Variants in PSMA4 observed in about 807,000 individuals in gnomAD.
PSMA4 encodes the protein proteasome subunit alpha type-4.
In PSMA4, 8 loss-of-function variants were observed where a neutral mutation model predicts 37.2. The observed-to-expected ratio is 0.22, with a 90% confidence interval of 0.13 to 0.39. The LOEUF (loss-of-function observed/expected upper bound fraction) is 0.39. Ranked by LOEUF, PSMA4 falls within the 10% of genes least tolerant of loss-of-function variation. The pLI is 1.00. For missense variants in PSMA4, 169 were observed against 305.1 expected (o/e 0.55, Z 3.32); for synonymous variants, 93 against 98.8 (o/e 0.94, Z 0.35).
intron 6 of PSMA4, 73 bp downstream of exon 6, chr15:78,545,030 T>TA: frequency 1.9e-6 from 2 of 1,052,832 alleles, no homozygotes; most frequent in Non-Finnish European, 1.4e-6. Context: ...TTTGAGGTAG[T>TA]AAAAAATTGA....
intron 4 of PSMA4, 85 bp downstream of exon 4, chr15:78,542,730 G>T: frequency 2.4e-6 from 3 of 1,262,706 alleles, no homozygotes; most frequent in Admixed American, 2.3e-5. Flanking sequence ...GGGCTCTTCC[G>T]TGCGATGTGG....
At chr15:78,542,299 T>C in intron 3 of PSMA4, 80 bp downstream of exon 3, 1 of 1,471,496 alleles carries the variant, frequency 6.8e-7, no homozygotes. Context: ...TACAAACTTT[T>C]TTTGGTAGTT....
intron 8 of PSMA4, among the ~76,000 whole-genome samples, chr15:78,547,937 T>C (rs2052582755): frequency 6.7e-6 from 1 of 149,884 alleles, no homozygotes; most frequent in Admixed American, 6.7e-5. Context: ...CCTTAGAAAA[T>C]GCCATTTACG....
At chr15:78,541,794 G>A (rs974972791) in intron 1 of PSMA4, 111 bp from the exon 2 acceptor site, 139 of 903,030 alleles carry the variant, frequency 1.5e-4, no homozygotes, top group Non-Finnish European at 2.3e-4. Context: ...CTAGCATAAT[G>A]CCTGACACTT....
In PSMA4 at chr15:78,549,070, T is replaced by C; in HGVS notation, c.*126T>C. ...GGAAAATAGGACATTACATACTGAA[T>C]TGGGTCCTTGTCATTTCTGTCCAAT... On this transcript the variant is annotated 3_prime_UTR_variant, in exon 9 of 9. Coordinates refer to ENST00000044462, the MANE Select transcript of PSMA4 (RefSeq NM_002789.6). The C allele has an allele frequency of 3.8e-5, 50 of 1,318,616 alleles. No individual in the cohort carries two copies. Among genetic ancestry groups the C allele is most frequent in the Non-Finnish European group, 4.8e-5 (49 of 1,017,752 alleles). 81.7% of individuals were successfully genotyped at this position (1,318,616 alleles called of 1,614,324 possible). A position where few individuals can be genotyped will look rare whatever the true frequency, so the allele number is the denominator to read the frequency against.
intron 4 of PSMA4, 150 bp downstream of exon 4, chr15:78,542,795 A>G: frequency 2.9e-6 from 2 of 689,426 alleles, no homozygotes; most frequent in Non-Finnish European, 2.4e-6. Flanking sequence ...GCCTGGTACC[A>G]TGTGTTACTC....
intron 5 of PSMA4, chr15:78,544,607 A>C: frequency 2.2e-6 from 1 of 458,236 alleles, no homozygotes; most frequent in Non-Finnish European, 3.8e-6. Flanking sequence ...CCTAGTTTTG[A>C]TGTTTCTAAG....
chr15:78,542,813 G>C, intron 4 of PSMA4, 168 bp downstream of exon 4: 1 of 620,750 alleles, frequency 1.6e-6, no homozygotes, highest in South Asian at 2.1e-5. Flanking sequence ...CTCCTTTTAA[G>C]TGCAGGGCAA....
intron 1 of PSMA4, chr15:78,541,522 A>C: frequency 3.9e-6 from 1 of 253,688 alleles, no homozygotes. Flanking sequence ...CTCTGTGTGG[A>C]ATGCCCTTCT....
rs995662762 is a variant in PSMA4, at chr15:78,551,352, C to G, written c.*2408C>G. 4 of 152,222 alleles carry G rather than the reference C, an allele frequency of 2.6e-5. No homozygotes were observed. The highest frequency in any genetic ancestry group is 2.6e-4 in the Admixed American group (4 of 15,270). The allele number at this position is 152,222 out of a possible 1,614,324, so 9.4% of individuals were successfully genotyped here. Reference sequence around the variant, plus strand: ...TCACTCATTCATCCAAATGAGCCTTCTCATCATTCCCTGAATGTGCCAAGC... The same window carrying G: ...TCACTCATTCATCCAAATGAGCCTTGTCATCATTCCCTGAATGTGCCAAGC... On this transcript the variant is annotated 3_prime_UTR_variant, in exon 9 of 9. Transcript: ENST00000044462.
At chr15:78,548,306 G>C (rs2052592434) in intron 8 of PSMA4, among the ~76,000 whole-genome samples, 1 of 151,936 alleles carries the variant, frequency 6.6e-6, no homozygotes, top group Non-Finnish European at 1.5e-5. Context: ...CAGTTTCAAG[G>C]AAGCACTACT....
intron 4 of PSMA4, 61 bp downstream of exon 4, chr15:78,542,706 T>C: frequency 3.4e-6 from 5 of 1,475,998 alleles, no homozygotes; most frequent in East Asian, 2.3e-5. Flanking sequence ...AAGTGGGATC[T>C]ATGTAATTTG....
intron 4 of PSMA4, among the ~76,000 whole-genome samples, chr15:78,543,271 GGCCTTTTGATAAA>G (rs1470829008): frequency 6.6e-6 from 1 of 152,068 alleles, no homozygotes; most frequent in East Asian, 1.9e-4. Flanking sequence ...TGATTATCAG[GGCCTTTTGATAAA>G]CTTGTCCAAA....
intron 1 of PSMA4, chr15:78,541,089 TC>T (rs2052442522): frequency 6.6e-6 from 1 of 152,032 alleles, no homozygotes; most frequent in African/African-American, 2.4e-5. Context: ...GCCAATCAGT[TC>T]CTGTGGGCCT....
chr15:78,542,441 C>G, intron 3 of PSMA4, 42 bp from the exon 4 acceptor site: 1 of 1,592,724 alleles, frequency 6.3e-7, no homozygotes, highest in Non-Finnish European at 8.5e-7. Flanking sequence ...GGTGCAGGAG[C>G]ACAGAGGAGA....
intron 6 of PSMA4, 21 bp downstream of exon 6, chr15:78,544,978 T>G (rs1697314259): frequency 6.5e-7 from 1 of 1,547,002 alleles, no homozygotes; most frequent in Non-Finnish European, 8.9e-7. Flanking sequence ...TTTTTGAAAA[T>G]TTTATTCGAA....
chr15:78,542,413 G>A lies in PSMA4; in HGVS notation c.47-70G>A, dbSNP rs2052471069. On this transcript the variant is annotated intron_variant, in intron 3 of 8. Transcript: ENST00000044462. ...TTTGTTTCTAGCTTGCTTCATTGCT[G>A]ATTTCTTTTGGGCCAGTGGTGCAGG... is the stretch of plus-strand genomic sequence containing the variant. 5 of 1,540,924 alleles carry A rather than the reference G, an allele frequency of 3.2e-6. No homozygotes were observed. The South Asian group carries it at 6.1e-5, about 19-fold the overall frequency.
rs1057442641 is a variant in PSMA4 at position 78,551,242 on chromosome 15, T to G, written c.*2298T>G. On this transcript the variant is annotated 3_prime_UTR_variant, in exon 9 of 9. Coordinates refer to ENST00000044462, the MANE Select transcript of PSMA4 (RefSeq NM_002789.6). ...AAAACCCTCCAATGGCTTCCCATCT[T>G]GCTCAGTAAGAGTCAAATTCTTTGT... is the stretch of plus-strand genomic sequence containing the variant. 6.6e-6 allele frequency: 1 copy of G among 152,242 alleles called. No individual in the cohort carries two copies. Among genetic ancestry groups the G allele is most frequent in the African/African-American group, 2.4e-5 (1 of 41,454 alleles). 9.4% of individuals were successfully genotyped at this position (152,242 alleles called of 1,614,324 possible). A position where few individuals can be genotyped will look rare whatever the true frequency, so the allele number is the denominator to read the frequency against.
At chr15:78,542,288 T>A in intron 3 of PSMA4, 69 bp downstream of exon 3, 1 of 1,494,422 alleles carries the variant, frequency 6.7e-7, no homozygotes, top group Non-Finnish European at 9.1e-7. Flanking sequence ...GAAAAAAAAA[T>A]TACAAACTTT....
Sources: allele counts gnomAD v4.1 joint callset (sites outside exome capture counted in the v4.1 genomes callset), GRCh38; gene constraint gnomAD v4.1.1; transcripts MANE v1.5; gene names NCBI Gene and HGNC (gene_info 2026-07-23, HGNC 2026-07-21).